The following TP53BP1 variants were observed in gnomAD, a reference collection of about 807,000 sequenced individuals.
The protein encoded by TP53BP1 is tumor protein p53 binding protein 1.
Under a neutral mutation model 200.8 loss-of-function variants are expected in TP53BP1, and 61 were observed. The observed-to-expected ratio is 0.30, with a 90% CI of 0.25 to 0.38. The LOEUF (loss-of-function observed/expected upper bound fraction) is 0.38. TP53BP1 is among the 10% of genes least tolerant of loss of function. TP53BP1 has a pLI of 1.00. For synonymous variants in TP53BP1, 822 were observed against 844.3 expected, an observed-to-expected ratio of 0.97 and a Z score of 0.46; for missense variants, 2,144 against 2,371.9, an observed-to-expected ratio of 0.90 and a Z score of 2.00.
intron 9 of TP53BP1, among the ~76,000 whole-genome samples, chr15:43,475,012 A>G (rs975391003): frequency 6.6e-6 from 1 of 152,240 alleles, no homozygotes; most frequent in African/African-American, 2.4e-5. Context: ...GGGCAAAGTG[A>G]ATGATCAGAC....
In TP53BP1 at chr15:43,432,578, G is replaced by T; in HGVS notation, c.3291C>A (p.Pro1097=). 6.2e-7 allele frequency: 1 copy of T among 1,614,070 alleles called. No individual in the cohort carries two copies. The highest frequency in any genetic ancestry group is 8.5e-7 in the Non-Finnish European group (1 of 1,180,000). ...AAACAGGGTCCTTGACAGGACTAAT[G>T]GGCTTCATAGGCTGTTGACTCTGCC... ...TIRQSQQPMK[P]ISPVKDPVSP... The change falls in exon 17 of 28, where the codon CCC becomes CCA. Residue 1097 remains proline (P), a synonymous_variant. Coordinates refer to ENST00000382044, the MANE Select transcript of TP53BP1 (RefSeq NM_001141980.3).
In TP53BP1 at chr15:43,403,881, A is replaced by G. The variant is rs768625646; in HGVS notation, c.*3502T>C. ...TGGAGAATTCATGATCTTTCCTCTG[A>G]GTCAGTAAAGCATTTCCTCAATACA... On this transcript the variant is annotated 3_prime_UTR_variant, in exon 28 of 28. Transcript: ENST00000382044. 5 of 951,612 alleles carry G rather than the reference A, an allele frequency of 5.3e-6. No individual in the cohort carries two copies. In the African/African-American group the frequency reaches 8.0e-5, roughly 15 times the overall value. The allele number at this position is 951,612 out of a possible 1,614,324, so 58.9% of individuals were successfully genotyped here.
chr15:43,484,749 G>GT lies in TP53BP1; in HGVS notation c.372-3728dup, dbSNP rs149165101. 3.4e-3 allele frequency among the ~76,000 whole-genome samples: 451 copies of GT among 131,614 alleles called. 4 individuals are homozygous for GT. Among genetic ancestry groups the GT allele is most frequent in the African/African-American group, 0.017 (421 of 25,286 alleles). 86.3% of individuals were successfully genotyped at this position (131,614 alleles called of 152,430 possible). ...GATAACAGCAAATACACACTTACTT[G>GT]TTTTTTGTTTTTTTTTTTTAAGATA... On this transcript the variant is annotated intron_variant, in intron 4 of 27. Transcript: ENST00000382044.
At chr15:43,427,480 G>A (rs772962047) in intron 18 of TP53BP1, among the ~76,000 whole-genome samples, 4 of 152,152 alleles carry the variant, frequency 2.6e-5, no homozygotes, top group Non-Finnish European at 5.9e-5. Flanking sequence ...AAGCATGATG[G>A]GATGCATTAA....
chr15:43,414,201 C>T lies in TP53BP1; in HGVS notation c.5090-867G>A, dbSNP rs548330463. 8 of 436,252 alleles carry T rather than the reference C, an allele frequency of 1.8e-5. No homozygotes were observed. The Admixed American group carries it at 2.3e-4, about 13-fold the overall frequency. 27.0% of individuals were successfully genotyped at this position (436,252 alleles called of 1,614,324 possible). A position where few individuals can be genotyped will look rare whatever the true frequency, so the allele number is the denominator to read the frequency against. On this transcript the variant is annotated intron_variant, in intron 23 of 27. Transcript: ENST00000382044. ...AGGCTGGAATTAGAAGTGAAGACCA[C>T]CAAAGTTTGAATCCTGGCTTACTTT...
At chr15:43,411,819 T>C (rs1447593610) in intron 24 of TP53BP1, among the ~76,000 whole-genome samples, 1 of 152,226 alleles carries the variant, frequency 6.6e-6, no homozygotes, top group Non-Finnish European at 1.5e-5. Context: ...AGCCTGCATC[T>C]CATACCAGTC....
intron 16 of TP53BP1, 95 bp downstream of exon 16, chr15:43,438,229 A>G: frequency 9.6e-7 from 1 of 1,046,358 alleles, no homozygotes; most frequent in Non-Finnish European, 1.4e-6. Flanking sequence ...AACACATGCC[A>G]CATTCAAACC....
chr15:43,496,081 G>A (rs529751375), upstream of TP53BP1, among the ~76,000 whole-genome samples: 3 of 152,220 alleles, frequency 2.0e-5, no homozygotes, highest in East Asian at 3.9e-4. Flanking sequence ...CCTGTCTACA[G>A]GTAACATCTT....
intron 4 of TP53BP1, among the ~76,000 whole-genome samples, chr15:43,490,168 C>A (rs935631727): frequency 6.6e-6 from 1 of 152,124 alleles, no homozygotes; most frequent in Non-Finnish European, 1.5e-5. Flanking sequence ...CGGCTCACTG[C>A]AACCTCTGCT....
intron 11 of TP53BP1, among the ~76,000 whole-genome samples, chr15:43,462,216 C>CAAAAAAAAAAAAAAAAAAAAAAAA (rs779088744): frequency 2.9e-5 from 1 of 34,056 alleles, no homozygotes. Flanking sequence ...GACTTCATCT[C>CAAAAAAAAAAAAAAAAAAAAAAAA]AAAAAAAAAA....
intron 1 of TP53BP1, among the ~76,000 whole-genome samples, chr15:43,501,150 T>A (rs890195455): frequency 2.6e-5 from 4 of 152,182 alleles, no homozygotes; most frequent in African/African-American, 9.7e-5. Flanking sequence ...TGACTGATAT[T>A]TTTATTGAGG....
At chr15:43,498,256 A>G (rs2079191815) in intron 1 of TP53BP1, among the ~76,000 whole-genome samples, 1 of 152,264 alleles carries the variant, frequency 6.6e-6, no homozygotes, top group African/African-American at 2.4e-5. Flanking sequence ...ATCTCAAAGT[A>G]TCTCCCTAAA....
At chr15:43,496,880 C>T (rs1200176294), upstream of TP53BP1, among the ~76,000 whole-genome samples, 1 of 152,132 alleles carries the variant, frequency 6.6e-6, no homozygotes, top group Non-Finnish European at 1.5e-5. Flanking sequence ...CTCAGCCTCC[C>T]AAAGTGCTGG....
chr15:43,465,913 C>T (rs1435886539), intron 11 of TP53BP1, among the ~76,000 whole-genome samples: 1 of 152,126 alleles, frequency 6.6e-6, no homozygotes, highest in Admixed American at 6.5e-5. Context: ...CCTTAGCCTC[C>T]CAAAGTGCTA....
intron 7 of TP53BP1, among the ~76,000 whole-genome samples, chr15:43,478,691 C>A (rs1003559802): frequency 5.3e-5 from 8 of 152,242 alleles, no homozygotes; most frequent in Admixed American, 2.6e-4. Flanking sequence ...TCTATCGATA[C>A]CATAAAATAC....
At position 43,413,234 on chromosome 15, in the gene TP53BP1, G is replaced by C; in HGVS notation, c.5190C>G (p.Asn1730Lys). 1 of 1,614,204 alleles carries C rather than the reference G, an allele frequency of 6.2e-7. No individual in the cohort carries two copies. Among genetic ancestry groups the C allele is most frequent in the Non-Finnish European group, 8.5e-7 (1 of 1,180,050 alleles). The change falls in exon 24 of 28, where the codon AAC (asparagine) becomes AAG (lysine). Residue 1730 changes from asparagine (N) to lysine (K), a missense_variant. Coordinates refer to ENST00000382044, the MANE Select transcript of TP53BP1 (RefSeq NM_001141980.3). The part of the protein sequence containing the change: ...LEEQRGPLPL[N>K]KTLFLGYAFL... ...ATGCGTAGCCCAGAAACAAGGTCTT[G>C]TTGAGAGGCAAAGGCCCTCTCTGCT... is the stretch of plus-strand genomic sequence containing the variant.
intron 24 of TP53BP1, chr15:43,412,592 G>A (rs2045148381): frequency 6.6e-6 from 3 of 452,602 alleles, no homozygotes; most frequent in Non-Finnish European, 1.4e-5. Flanking sequence ...AAAAGGCCTA[G>A]AAGCTGTTTC....
chr15:43,425,792 C>T (rs905359372), intron 18 of TP53BP1, among the ~76,000 whole-genome samples: 26 of 152,144 alleles, frequency 1.7e-4, no homozygotes, highest in Admixed American at 5.9e-4. Flanking sequence ...AAAAGTTCCA[C>T]GAACAAAAAT....
intron 7 of TP53BP1, 44 bp downstream of exon 7, chr15:43,479,353 C>A: frequency 6.4e-7 from 1 of 1,552,114 alleles, no homozygotes; most frequent in Non-Finnish European, 8.7e-7. Context: ...TTAGTATAAC[C>A]CTACAGCAAA....
Sources: gnomAD v4.1 joint callset for allele counts (sites outside exome capture counted in the v4.1 genomes callset) on GRCh38, gnomAD v4.1.1 for gene constraint, MANE v1.5 for transcripts, NCBI Gene and HGNC (gene_info 2026-07-23, HGNC 2026-07-21) for gene names.